Variants in CHN2 observed in about 807,000 individuals in gnomAD.
CHN2 encodes the protein beta-chimaerin.
Under a neutral mutation model 56.3 loss-of-function variants are expected in CHN2, and 35 were observed. The observed-to-expected ratio is 0.62, with a 90% CI of 0.47 to 0.82. CHN2 has a LOEUF of 0.82. Among genes scored for constraint, CHN2 ranks in the 40% least tolerant of loss-of-function variants. The pLI, the probability that CHN2 is intolerant of heterozygous loss-of-function variation, is 0.00. For synonymous variants in CHN2, 210 were observed against 212.8 expected (o/e 0.99, Z 0.12); for missense variants, 491 against 580.5 (o/e 0.85, Z 1.58).
At chr7:29,411,899 T>C (rs1803251047) in intron 6 of CHN2, among the ~76,000 whole-genome samples, 1 of 152,146 alleles carries the variant, frequency 6.6e-6, no homozygotes. Flanking sequence ...GCCTTTGAGC[T>C]GGGTAAGCAG....
intron 6 of CHN2, among the ~76,000 whole-genome samples, chr7:29,442,934 C>CTTTTTTTTTTTCTTT (rs564931650): frequency 6.8e-5 from 7 of 103,066 alleles, no homozygotes; most frequent in South Asian, 3.2e-4. Context: ...CATTGAATTT[C>CTTTTTTTTTTTCTTT]TTTTTTTTTT....
At chr7:29,266,860 C>T (rs964892244) in intron 1 of CHN2, among the ~76,000 whole-genome samples, 1 of 152,250 alleles carries the variant, frequency 6.6e-6, no homozygotes. Flanking sequence ...TCCACCTCTT[C>T]TAGTCGAGAA....
intron 1 of CHN2, among the ~76,000 whole-genome samples, chr7:29,314,029 A>G (rs1283685572): frequency 1.3e-5 from 2 of 152,182 alleles, no homozygotes; most frequent in Non-Finnish European, 2.9e-5. Flanking sequence ...ATGGGACCAT[A>G]TGATGCAGAA....
chr7:29,445,548 G>A (rs531417540), intron 6 of CHN2, among the ~76,000 whole-genome samples: 5 of 152,160 alleles, frequency 3.3e-5, no homozygotes, highest in African/African-American at 9.7e-5. Context: ...AATAAATCCT[G>A]CACTGTTGTG....
intron 5 of CHN2, among the ~76,000 whole-genome samples, chr7:29,399,163 A>G (rs986474937): frequency 5.9e-5 from 9 of 152,212 alleles, no homozygotes; most frequent in Non-Finnish European, 4.4e-5. Context: ...ATGGACACAC[A>G]GTAAACTGGA....
chr7:29,352,436 G>C (rs2128923845), intron 1 of CHN2, among the ~76,000 whole-genome samples: 1 of 152,034 alleles, frequency 6.6e-6, no homozygotes, highest in East Asian at 1.9e-4. Context: ...TTTTAACATA[G>C]AGGGCCGGGG....
chr7:29,490,793 G>T (rs896619898), intron 7 of CHN2, among the ~76,000 whole-genome samples: 2 of 152,136 alleles, frequency 1.3e-5, no homozygotes, highest in Non-Finnish European at 2.9e-5. Flanking sequence ...ATTATATTCA[G>T]AATATGGTAT....
chr7:29,492,874 A>ACCATT (rs1215496231), intron 7 of CHN2, among the ~76,000 whole-genome samples: 4 of 152,174 alleles, frequency 2.6e-5, no homozygotes, highest in Non-Finnish European at 4.4e-5. Context: ...AACATAATTG[A>ACCATT]CCATTCATTC....
chr7:29,409,303 G>A (rs12537539), intron 6 of CHN2, among the ~76,000 whole-genome samples: 1 of 151,984 alleles, frequency 6.6e-6, no homozygotes, highest in Non-Finnish European at 1.5e-5. Context: ...GTTAAATCTT[G>A]ATATTTATGG....
chr7:29,299,768 A>G (rs1793498808), intron 1 of CHN2, among the ~76,000 whole-genome samples: 1 of 152,216 alleles, frequency 6.6e-6, no homozygotes. Flanking sequence ...GAAGGCATGG[A>G]ATACTGAGCT....
At chr7:29,294,856 C>T (rs1792989187) in intron 1 of CHN2, among the ~76,000 whole-genome samples, 1 of 152,120 alleles carries the variant, frequency 6.6e-6, no homozygotes, top group Admixed American at 6.6e-5. Context: ...CAAGGCCCAG[C>T]AAAAATGCAG....
At chr7:29,446,015 C>T (rs896707539) in intron 6 of CHN2, among the ~76,000 whole-genome samples, 1 of 152,056 alleles carries the variant, frequency 6.6e-6, no homozygotes, top group Non-Finnish European at 1.5e-5. Context: ...CTTGGAGGCA[C>T]ATGAGCATCA....
At chr7:29,430,695 C>T (rs938545169) in intron 6 of CHN2, among the ~76,000 whole-genome samples, 2 of 146,972 alleles carry the variant, frequency 1.4e-5, no homozygotes, top group Non-Finnish European at 3.0e-5. Flanking sequence ...TTAGGCCAAA[C>T]TTAAAATATG....
intron 6 of CHN2, among the ~76,000 whole-genome samples, chr7:29,459,767 C>T (rs1382915352): frequency 6.6e-6 from 1 of 152,172 alleles, no homozygotes; most frequent in East Asian, 1.9e-4. Flanking sequence ...GCATGGCAGG[C>T]TCAGGTATCT....
rs866443206 is a variant in CHN2 at position 29,393,209 on chromosome 7, T to C, written c.145-470T>C. On this transcript the variant is annotated intron_variant, in intron 3 of 12. Transcript: ENST00000222792. ...TTGAAAAAATAAGAATGTTAAAATA[T>C]TGATTTTATTTAGAACATGATCAAG... Among the ~76,000 whole-genome samples, 17 of 152,376 alleles carry C rather than the reference T, an allele frequency of 1.1e-4. 1 individual carries two copies. The South Asian group carries it at 3.1e-3, about 28-fold the overall frequency.
chr7:29,202,905 G>A (rs1266643105), intron 1 of CHN2, among the ~76,000 whole-genome samples: 2 of 152,168 alleles, frequency 1.3e-5, no homozygotes, highest in African/African-American at 4.8e-5. Flanking sequence ...AGGGAGCGTG[G>A]CTGTTGCAGT....
chr7:29,408,763 C>T (rs1802896601), intron 6 of CHN2, among the ~76,000 whole-genome samples: 1 of 152,138 alleles, frequency 6.6e-6, no homozygotes, highest in South Asian at 2.1e-4. Context: ...CTCTTTTTAC[C>T]AGTTCCTCAA....
At chr7:29,320,408 G>A (rs1014982426) in intron 1 of CHN2, among the ~76,000 whole-genome samples, 1 of 152,168 alleles carries the variant, frequency 6.6e-6, no homozygotes, top group African/African-American at 2.4e-5. Context: ...TGAATAACAA[G>A]GGCATCCTTG....
At chr7:29,452,496 C>A (rs563869126) in intron 6 of CHN2, among the ~76,000 whole-genome samples, 5 of 152,348 alleles carry the variant, frequency 3.3e-5, no homozygotes, top group South Asian at 4.1e-4. Context: ...CCTGCAGACA[C>A]CTGCAGTACA....
Sources: gnomAD v4.1 joint callset for allele counts (sites outside exome capture counted in the v4.1 genomes callset) on GRCh38, gnomAD v4.1.1 for gene constraint, MANE v1.5 for transcripts, NCBI Gene and HGNC (gene_info 2026-07-23, HGNC 2026-07-21) for gene names.